Variants in ADAMTSL1 observed in about 807,000 individuals in gnomAD.
ADAMTSL1 encodes the protein ADAMTS-like protein 1.
ADAMTSL1 carries 126 observed loss-of-function variants against 201.8 expected under a neutral mutation model. That is an observed-to-expected ratio of 0.62 (90% confidence interval 0.54 to 0.72). The LOEUF is 0.72. ADAMTSL1 is among the 30% of genes least tolerant of loss of function. The pLI, the probability that ADAMTSL1 is intolerant of heterozygous loss-of-function variation, is 0.00. For missense variants in ADAMTSL1, 2,679 were observed against 2,277.8 expected (o/e 1.18, Z -3.59); for synonymous variants, 1,121 against 903.4 (o/e 1.24, Z -4.32).
At chr9:18,768,884 T>C (rs1208231670) in intron 16 of ADAMTSL1, among the ~76,000 whole-genome samples, 1 of 152,202 alleles carries the variant, frequency 6.6e-6, no homozygotes, top group African/African-American at 2.4e-5. Flanking sequence ...GAACATTCAT[T>C]TGTAGAAGTG....
intron 23 of ADAMTSL1, among the ~76,000 whole-genome samples, chr9:18,860,207 G>T (rs1390913395): frequency 6.6e-6 from 1 of 152,194 alleles, no homozygotes; most frequent in East Asian, 1.9e-4. Context: ...TCCTTGTCTT[G>T]TGAAAATGGC....
chr9:17,983,071 TCTTTC>T lies in ADAMTSL1; in HGVS notation c.87+76150_87+76154del, dbSNP rs1818783384. ...TTTCTTTTTCTTTTCTTTCTTTCTT[TCTTTC>T]TTTTTTTTTTTTGAGACTGAATCTT... On this transcript the variant is annotated intron_variant, in intron 1 of 29. Transcript: ENST00000680146. Among the ~76,000 whole-genome samples, 27 of 118,676 alleles carry T rather than the reference TCTTTC, an allele frequency of 2.3e-4. 2 individuals carry two copies. Among genetic ancestry groups the T allele is most frequent in the South Asian group, 1.8e-3 (6 of 3,416 alleles). 77.9% of individuals were successfully genotyped at this position (118,676 alleles called of 152,430 possible).
At chr9:17,977,550 A>T (rs979514503) in intron 1 of ADAMTSL1, among the ~76,000 whole-genome samples, 3 of 151,826 alleles carry the variant, frequency 2.0e-5, no homozygotes, top group African/African-American at 7.3e-5. Context: ...AAATTTATCC[A>T]CTTTTTTATA....
At chr9:17,932,750 G>A (rs540773958) in intron 1 of ADAMTSL1, among the ~76,000 whole-genome samples, 1 of 152,234 alleles carries the variant, frequency 6.6e-6, no homozygotes, top group East Asian at 1.9e-4. Context: ...AGTGATCTAA[G>A]TAATCTGCTT....
chr9:18,845,748 G>C (rs1588220900), intron 23 of ADAMTSL1, among the ~76,000 whole-genome samples: 1 of 152,180 alleles, frequency 6.6e-6, no homozygotes, highest in Non-Finnish European at 1.5e-5. Flanking sequence ...CATGCAAAAA[G>C]GTGAAGGAAT....
chr9:17,989,357 A>G (rs1229325455), intron 1 of ADAMTSL1, among the ~76,000 whole-genome samples: 1 of 151,984 alleles, frequency 6.6e-6, no homozygotes, highest in African/African-American at 2.4e-5. Flanking sequence ...CAGGCTCACA[A>G]TAGAATTATA....
intron 15 of ADAMTSL1, among the ~76,000 whole-genome samples, chr9:18,738,473 G>T (rs930993099): frequency 6.6e-6 from 1 of 152,198 alleles, no homozygotes; most frequent in Admixed American, 6.5e-5. Flanking sequence ...TAGTAATTTA[G>T]TATAAAGGAA....
chr9:18,837,002 C>G (rs1186429181), intron 23 of ADAMTSL1, among the ~76,000 whole-genome samples: 1 of 152,086 alleles, frequency 6.6e-6, no homozygotes, highest in African/African-American at 2.4e-5. Flanking sequence ...TTCCAGGAGC[C>G]TTTTGGAAGT....
At chr9:17,927,532 C>T (rs931355975) in intron 1 of ADAMTSL1, among the ~76,000 whole-genome samples, 1 of 151,554 alleles carries the variant, frequency 6.6e-6, no homozygotes, top group African/African-American at 2.4e-5. Flanking sequence ...ATCTATGGGA[C>T]CTGCATCTGT....
chr9:18,828,037 G>A (rs545023052), intron 22 of ADAMTSL1, among the ~76,000 whole-genome samples: 21 of 152,166 alleles, frequency 1.4e-4, no homozygotes, highest in East Asian at 1.9e-4. Context: ...CCCAAGTTCC[G>A]TGACTTAACC....
chr9:18,822,762 A>C (rs1033615593), intron 21 of ADAMTSL1, among the ~76,000 whole-genome samples: 8 of 152,322 alleles, frequency 5.3e-5, no homozygotes, highest in Admixed American at 3.9e-4. Flanking sequence ...TGTTTATAAA[A>C]TGTTTGACTT....
At chr9:18,217,282 T>C (rs1309955593) in intron 2 of ADAMTSL1, among the ~76,000 whole-genome samples, 1 of 152,206 alleles carries the variant, frequency 6.6e-6, no homozygotes, top group Non-Finnish European at 1.5e-5. Context: ...CTGTGAAGTT[T>C]AGATGAGGAG....
chr9:18,804,047 C>T (rs1041136735), intron 20 of ADAMTSL1, among the ~76,000 whole-genome samples: 4 of 152,104 alleles, frequency 2.6e-5, no homozygotes, highest in African/African-American at 9.7e-5. Context: ...GGACTATGAA[C>T]CTCTTTCCCG....
intron 23 of ADAMTSL1, among the ~76,000 whole-genome samples, chr9:18,842,263 A>T (rs1825769575): frequency 6.6e-6 from 1 of 152,132 alleles, no homozygotes; most frequent in East Asian, 1.9e-4. Flanking sequence ...GTTTCAAAGA[A>T]CATCTTTCTT....
intron 2 of ADAMTSL1, among the ~76,000 whole-genome samples, chr9:18,356,817 G>GA (rs1317528039): frequency 1.3e-5 from 2 of 152,138 alleles, no homozygotes; most frequent in Non-Finnish European, 2.9e-5. Flanking sequence ...CATAGAAAAA[G>GA]AAAGTGCTAT....
In ADAMTSL1 at chr9:18,777,114, G is replaced by A; in HGVS notation, c.2885G>A (p.Gly962Glu). ...GAGCACTTTGTGATTAAGCTCATCGGAGGCAACCGCAAGCTCGTGGCCCGG... is the reference window on the plus strand; with the variant it reads ...GAGCACTTTGTGATTAAGCTCATCGAAGGCAACCGCAAGCTCGTGGCCCGG... ...AREHFVIKLI[G>E]GNRKLVARPL... The change falls in exon 19 of 29, where the codon GGA (glycine) becomes GAA (glutamate). Residue 962 changes from glycine (G) to glutamate (E), a missense_variant. Coordinates refer to ENST00000380548, the MANE Select transcript of ADAMTSL1 (RefSeq NM_001040272.6). 1.2e-6 allele frequency: 2 copies of A among 1,613,074 alleles called. No individual in the cohort carries two copies. Among genetic ancestry groups the A allele is most frequent in the Non-Finnish European group, 1.7e-6 (2 of 1,179,824 alleles).
At chr9:18,674,675 T>C (rs1186891946) in intron 9 of ADAMTSL1, among the ~76,000 whole-genome samples, 1 of 152,076 alleles carries the variant, frequency 6.6e-6, no homozygotes, top group Non-Finnish European at 1.5e-5. Flanking sequence ...TTATATTGAA[T>C]ATATCAATAT....
At chr9:18,393,837 G>A (rs1178501789) in intron 2 of ADAMTSL1, among the ~76,000 whole-genome samples, 1 of 152,190 alleles carries the variant, frequency 6.6e-6, no homozygotes, top group Non-Finnish European at 1.5e-5. Context: ...AGCCAAAAGT[G>A]AAGGCAGAGA....
In ADAMTSL1 at chr9:18,838,135, C is replaced by T. The variant is rs1296077846; in HGVS notation, c.4249+8158C>T. ...GCAGAAGGCAAGGAGAAGCAAGTCA[C>T]GTCTTACATGGATGGTGGCAGGCAA... On this transcript the variant is annotated intron_variant, in intron 23 of 28. Coordinates refer to ENST00000380548, the MANE Select transcript of ADAMTSL1 (RefSeq NM_001040272.6). Among the ~76,000 whole-genome samples, 4 of 151,972 alleles carry T rather than the reference C, an allele frequency of 2.6e-5. No homozygotes were observed. The East Asian group carries it at 5.8e-4, about 22-fold the overall frequency.
Sources: allele counts gnomAD v4.1 joint callset (sites outside exome capture counted in the v4.1 genomes callset), GRCh38; gene constraint gnomAD v4.1.1; transcripts MANE v1.5; gene names NCBI Gene and HGNC (gene_info 2026-07-23, HGNC 2026-07-21).